Variants in KCND2 observed in about 807,000 individuals in gnomAD.
KCND2 encodes A-type voltage-gated potassium channel KCND2.
A neutral mutation model predicts 54.4 loss-of-function variants in KCND2; 16 were observed. That is an observed-to-expected ratio of 0.29 (90% CI 0.20 to 0.45). The LOEUF (loss-of-function observed/expected upper bound fraction) is 0.45. Among genes scored for constraint, KCND2 ranks in the 20% least tolerant of loss-of-function variants. KCND2 has a pLI of 1.00. For missense variants in KCND2, 486 were observed against 824.2 expected (o/e 0.59, Z 5.02); for synonymous variants, 317 against 310.7 (o/e 1.02, Z -0.21).
intron 1 of KCND2, among the ~76,000 whole-genome samples, chr7:120,484,005 G>A (rs1371565161): frequency 1.3e-5 from 2 of 152,064 alleles, no homozygotes; most frequent in Non-Finnish European, 2.9e-5. Flanking sequence ...AAAAAAGCTT[G>A]TCAAAGAAAG....
At chr7:120,312,468 G>A (rs1188517867) in intron 1 of KCND2, among the ~76,000 whole-genome samples, 2 of 152,068 alleles carry the variant, frequency 1.3e-5, no homozygotes, top group African/African-American at 4.8e-5. Flanking sequence ...TATAAGAAAA[G>A]CAAACTGACT....
At position 120,275,220 on chromosome 7, in the gene KCND2, C is replaced by T. The variant is rs1275147629; in HGVS notation, c.588C>T (p.Ala196=). Reference sequence around the variant, plus strand: ...ACTATGTCACGGGGTTTTTCATTGCCGTCTCTGTCATCGCGAATGTGGTGG... The same window carrying T: ...ACTATGTCACGGGGTTTTTCATTGCTGTCTCTGTCATCGCGAATGTGGTGG... ...VFYYVTGFFI[A]VSVIANVVET... is the part of the protein sequence containing the mutation. The change falls in exon 1 of 6, where the codon GCC becomes GCT. Residue 196 remains alanine, a synonymous_variant. Transcript: ENST00000331113. 1.5e-5 allele frequency: 24 copies of T among 1,613,788 alleles called. No individual in the cohort carries two copies. The highest frequency in any genetic ancestry group is 1.4e-5 in the Non-Finnish European group (17 of 1,180,016).
At chr7:120,339,240 C>T (rs1262239918) in intron 1 of KCND2, among the ~76,000 whole-genome samples, 1 of 151,904 alleles carries the variant, frequency 6.6e-6, no homozygotes, top group African/African-American at 2.4e-5. Flanking sequence ...CAGTATATAA[C>T]ATTGGCTTTC....
At chr7:120,621,543 A>G (rs867842333) in intron 1 of KCND2, among the ~76,000 whole-genome samples, 68 of 152,326 alleles carry the variant, frequency 4.5e-4, no homozygotes, top group African/African-American at 1.6e-3. Flanking sequence ...AAATTAAACA[A>G]TACTGACAGT....
intron 1 of KCND2, among the ~76,000 whole-genome samples, chr7:120,436,783 T>C (rs964363411): frequency 3.3e-5 from 5 of 152,208 alleles, no homozygotes; most frequent in Non-Finnish European, 7.3e-5. Flanking sequence ...TCTGGCTCTA[T>C]GAGTATTTTT....
At chr7:120,676,856 G>A (rs1792066903) in intron 1 of KCND2, among the ~76,000 whole-genome samples, 1 of 152,092 alleles carries the variant, frequency 6.6e-6, no homozygotes, top group Non-Finnish European at 1.5e-5. Context: ...AAGAAAAAAG[G>A]CATCTGGGTA....
Position 120,647,875 on chromosome 7 carries a change from A to C in KCND2, c.1116-85028A>C, listed in dbSNP as rs574531075. On this transcript the variant is annotated intron_variant, in intron 1 of 5. Coordinates refer to ENST00000331113, the MANE Select transcript of KCND2 (RefSeq NM_012281.3). ...GTTAGAATACACAGATTTTATTCCC[A>C]CATATACGGTATATGCATAGAAGTA... Among the ~76,000 whole-genome samples the C allele has an allele frequency of 2.0e-5, 3 of 152,334 alleles. No individual in the cohort carries two copies. The East Asian group carries it at 5.8e-4, about 29-fold the overall frequency.
intron 1 of KCND2, among the ~76,000 whole-genome samples, chr7:120,606,385 A>T (rs1330718690): frequency 1.3e-5 from 2 of 152,086 alleles, no homozygotes; most frequent in African/African-American, 4.8e-5. Context: ...ATTTTGATGA[A>T]GTCCTATTTG....
intron 1 of KCND2, among the ~76,000 whole-genome samples, chr7:120,443,284 C>G (rs1406822461): frequency 1.3e-5 from 2 of 151,648 alleles, no homozygotes; most frequent in African/African-American, 4.8e-5. Flanking sequence ...CTCCCCTTTT[C>G]TGGTTTCAAA....
intron 1 of KCND2, among the ~76,000 whole-genome samples, chr7:120,730,562 C>T (rs1792793816): frequency 6.6e-6 from 1 of 152,162 alleles, no homozygotes. Flanking sequence ...TATATGAACA[C>T]AGCATTCTGG....
chr7:120,680,830 G>C (rs1792129865), intron 1 of KCND2, among the ~76,000 whole-genome samples: 1 of 151,968 alleles, frequency 6.6e-6, no homozygotes, highest in East Asian at 1.9e-4. Context: ...AAGAAATTAA[G>C]AAATAAAAGT....
intron 1 of KCND2, among the ~76,000 whole-genome samples, chr7:120,697,695 G>A (rs1041700795): frequency 2.6e-5 from 4 of 152,172 alleles, no homozygotes; most frequent in African/African-American, 9.7e-5. Flanking sequence ...TGGGGATAAT[G>A]ATAAGATAAT....
chr7:120,360,089 GC>G (rs1210976699), intron 1 of KCND2, among the ~76,000 whole-genome samples: 1 of 151,972 alleles, frequency 6.6e-6, no homozygotes, highest in African/African-American at 2.4e-5. Context: ...ATTTAATATA[GC>G]TTTTTCTTTT....
intron 1 of KCND2, among the ~76,000 whole-genome samples, chr7:120,652,139 A>C (rs892563022): frequency 1.3e-5 from 2 of 151,264 alleles, no homozygotes; most frequent in Non-Finnish European, 2.9e-5. Context: ...GCAGTGGCAC[A>C]GTCTTGGCTT....
intron 1 of KCND2, among the ~76,000 whole-genome samples, chr7:120,419,137 G>A (rs1179505277): frequency 6.6e-6 from 1 of 151,980 alleles, no homozygotes; most frequent in African/African-American, 2.4e-5. Context: ...TACTGTTCCT[G>A]TTGTCAAATT....
intron 1 of KCND2, among the ~76,000 whole-genome samples, chr7:120,604,246 A>G (rs1792849992): frequency 6.6e-6 from 1 of 151,622 alleles, no homozygotes; most frequent in African/African-American, 2.4e-5. Flanking sequence ...TCACGCCTGT[A>G]ATCCTAGCAC....
At chr7:120,465,565 G>A (rs192038478) in intron 1 of KCND2, among the ~76,000 whole-genome samples, 8 of 152,066 alleles carry the variant, frequency 5.3e-5, no homozygotes, top group African/African-American at 1.2e-4. Flanking sequence ...AGTGGCAAAC[G>A]CAAGAAGAGT....
chr7:120,700,428 C>T (rs1165463799), intron 1 of KCND2, among the ~76,000 whole-genome samples: 4 of 152,180 alleles, frequency 2.6e-5, no homozygotes, highest in Non-Finnish European at 5.9e-5. Flanking sequence ...ACAGCCTGCT[C>T]AATTTACAAA....
chr7:120,514,795 C>T (rs1259697778), intron 1 of KCND2, among the ~76,000 whole-genome samples: 2 of 151,820 alleles, frequency 1.3e-5, no homozygotes, highest in African/African-American at 4.8e-5. Flanking sequence ...CAACCTAGAT[C>T]CCTCTCACCT....
Sources: gnomAD v4.1 joint callset for allele counts (sites outside exome capture counted in the v4.1 genomes callset) on GRCh38, gnomAD v4.1.1 for gene constraint, MANE v1.5 for transcripts, NCBI Gene and HGNC (gene_info 2026-07-23, HGNC 2026-07-21) for gene names.